Variants in MEIG1 observed in about 807,000 individuals in gnomAD.
MEIG1 encodes meiosis expressed gene 1 protein homolog.
MEIG1 carries 12 observed loss-of-function variants against 11.3 expected under a neutral mutation model. The observed-to-expected ratio is 1.07, with a 90% CI of 0.68 to 1.73. The LOEUF (loss-of-function observed/expected upper bound fraction) is 1.73, where lower values mean the gene tolerates loss of function less well. Among genes scored for constraint, MEIG1 ranks in the 40% most tolerant of loss-of-function variants. The probability of loss-of-function intolerance (pLI) is 0.00; values close to 1 mark genes in which losing one functional copy is unlikely to be tolerated. For missense variants in MEIG1, 119 were observed against 104.9 expected (o/e 1.13, Z -0.59); for synonymous variants, 41 against 33.2 (o/e 1.24, Z -0.81).
At chr10:14,968,408 A>G (rs1843112523) in intron 2 of MEIG1, among the ~76,000 whole-genome samples, 1 of 152,190 alleles carries the variant, frequency 6.6e-6, no homozygotes, top group African/African-American at 2.4e-5. Context: ...GAATCACTTG[A>G]GCCCAGGAGG....
At chr10:14,982,310 T>G (rs943420103) in intron 1 of MEIG1, among the ~76,000 whole-genome samples, 9 of 152,260 alleles carry the variant, frequency 5.9e-5, no homozygotes, top group East Asian at 1.9e-4. Context: ...GTCCAACTGG[T>G]GGTCGGTTCG....
downstream of MEIG1, among the ~76,000 whole-genome samples, chr10:14,976,804 A>G (rs1218898264): frequency 1.3e-5 from 2 of 152,030 alleles, no homozygotes; most frequent in East Asian, 3.9e-4. Flanking sequence ...TATTCCAGGA[A>G]AACGTTACTG....
downstream of MEIG1, among the ~76,000 whole-genome samples, chr10:14,977,688 A>C (rs986130727): frequency 5.9e-5 from 9 of 151,942 alleles, no homozygotes; most frequent in African/African-American, 2.2e-4. Flanking sequence ...CTGTGATATT[A>C]TTTGTAATAT....
downstream of MEIG1, among the ~76,000 whole-genome samples, chr10:14,975,112 C>T (rs964017291): frequency 2.6e-5 from 4 of 152,036 alleles, no homozygotes; most frequent in Admixed American, 2.0e-4. Context: ...GCACTGGGTG[C>T]GCATCCACCC....
Position 14,964,600 on chromosome 10 carries a change from TATATATATAC to T in MEIG1, c.-29-1838_-29-1829del, listed in dbSNP as rs1167187301. 6.7e-3 allele frequency among the ~76,000 whole-genome samples: 716 copies of T among 107,490 alleles called. 8 individuals are homozygous for T. Among genetic ancestry groups the T allele is most frequent in the African/African-American group, 0.024 (668 of 27,902 alleles). 70.5% of individuals were successfully genotyped at this position (107,490 alleles called of 152,430 possible). A position where few individuals can be genotyped will look rare whatever the true frequency, so the allele number is the denominator to read the frequency against. On this transcript the variant is annotated intron_variant, in intron 1 of 2. Coordinates refer to ENST00000407572, the MANE Select transcript of MEIG1 (RefSeq NM_001080836.3). ...GTGTGTGTGTGTATATATATATATA[TATATATATAC>T]ACACACACACACATATATATGTATA...
intron 2 of MEIG1, 149 bp from the exon 3 acceptor site, chr10:14,972,364 G>A: frequency 1.1e-6 from 1 of 949,176 alleles, no homozygotes. Context: ...TGTGTCTTGT[G>A]GGTATCATAC....
In MEIG1 at chr10:14,966,503, G is replaced by A. The variant is rs138814078; in HGVS notation, c.35G>A (p.Ser12Asn). 3.4e-5 allele frequency: 54 copies of A among 1,611,826 alleles called. No homozygotes were observed. The African/African-American group carries it at 7.1e-4, about 21-fold the overall frequency. The change falls in exon 2 of 3, where the codon AGT (serine) becomes AAT (asparagine). Residue 12 changes from serine to asparagine, a missense_variant. Physicochemically the swap from Ser to Asn is conservative, Grantham distance 46. Transcript: ENST00000407572. ...ASSDVKPKSV[S>N]HAKKWSEEIE... ...TCTGACGTAAAACCAAAATCAGTAA[G>A]TCATGCCAAAAAATGGTCAGAAGAG...
intron 2 of MEIG1, among the ~76,000 whole-genome samples, chr10:14,968,766 A>G (rs1843116784): frequency 6.6e-6 from 1 of 152,114 alleles, no homozygotes; most frequent in Non-Finnish European, 1.5e-5. Context: ...CAGAAGCATT[A>G]TCATTTTTAT....
At chr10:14,979,197 G>T (rs1022876763) in intron 1 of MEIG1, among the ~76,000 whole-genome samples, 13 of 151,736 alleles carry the variant, frequency 8.6e-5, no homozygotes, top group African/African-American at 2.7e-4. Context: ...GGTTGTACAC[G>T]CTGTGATATT....
rs1842992846 is a variant in MEIG1 at position 14,959,915 on chromosome 10, CAGTT to C, written c.-30+362_-30+365del. Among the ~76,000 whole-genome samples the C allele has an allele frequency of 3.9e-5, 6 of 152,310 alleles. No individual in the cohort carries two copies. In the South Asian group the frequency reaches 1.0e-3, roughly 26 times the overall value. On this transcript the variant is annotated intron_variant, in intron 1 of 2. Transcript: ENST00000407572. ...CACCAGGCGGATTTCATCTCCCACA[CAGTT>C]AGTGATTTATGGCAGAAAGGAAGCT...
At chr10:14,970,645 T>C (rs570812485) in intron 2 of MEIG1, 11 of 152,350 alleles carry the variant, frequency 7.2e-5, no homozygotes, top group African/African-American at 2.6e-4. Context: ...TTCTCAGATA[T>C]GCTGTTACCT....
intron 1 of MEIG1, among the ~76,000 whole-genome samples, chr10:14,977,960 A>G (rs901853234): frequency 6.6e-6 from 1 of 151,864 alleles, no homozygotes; most frequent in African/African-American, 2.4e-5. Flanking sequence ...ATTATTCGTA[A>G]TATCCTGGGG....
At chr10:14,961,146 A>T (rs898830085) in intron 1 of MEIG1, among the ~76,000 whole-genome samples, 1 of 152,206 alleles carries the variant, frequency 6.6e-6, no homozygotes, top group Non-Finnish European at 1.5e-5. Flanking sequence ...CCAACTTTAA[A>T]CGTCCTCAGA....
downstream of MEIG1, among the ~76,000 whole-genome samples, chr10:14,974,319 G>A (rs1843188127): frequency 6.6e-6 from 1 of 152,166 alleles, no homozygotes; most frequent in Non-Finnish European, 1.5e-5. Context: ...ATGAGCAACC[G>A]GTGGCAATCA....
At chr10:14,965,159 T>A (rs1424148000) in intron 1 of MEIG1, among the ~76,000 whole-genome samples, 1 of 152,170 alleles carries the variant, frequency 6.6e-6, no homozygotes, top group Non-Finnish European at 1.5e-5. Context: ...TTGAAAAAAA[T>A]TCATAAAATA....
At chr10:14,962,323 C>T (rs1707514718) in intron 1 of MEIG1, among the ~76,000 whole-genome samples, 1 of 152,114 alleles carries the variant, frequency 6.6e-6, no homozygotes, top group South Asian at 2.1e-4. Context: ...AGAATTTCCA[C>T]CACCACTTAT....
intron 2 of MEIG1, among the ~76,000 whole-genome samples, chr10:14,969,542 A>C (rs970566580): frequency 6.6e-6 from 1 of 152,298 alleles, no homozygotes; most frequent in African/African-American, 2.4e-5. Context: ...TATAGTGCTC[A>C]TAATTTGTTG....
chr10:14,962,593 G>T (rs753654160), intron 1 of MEIG1, among the ~76,000 whole-genome samples: 2 of 152,044 alleles, frequency 1.3e-5, no homozygotes, highest in Non-Finnish European at 2.9e-5. Flanking sequence ...TACATAGATG[G>T]CATTCAAGAA....
chr10:14,977,032 G>A (rs556107707), downstream of MEIG1, among the ~76,000 whole-genome samples: 1 of 152,046 alleles, frequency 6.6e-6, no homozygotes, highest in African/African-American at 2.4e-5. Context: ...TACTCCCTGT[G>A]TTCTATTTCC....
Sources: allele counts gnomAD v4.1 joint callset (sites outside exome capture counted in the v4.1 genomes callset), GRCh38; gene constraint gnomAD v4.1.1; transcripts MANE v1.5; gene names NCBI Gene and HGNC (gene_info 2026-07-23, HGNC 2026-07-21).